Variants in WDR17 observed in about 807,000 individuals in gnomAD.
WDR17 encodes the protein WD repeat domain 17, also known as WD repeat-containing protein 17.
In WDR17, 143 loss-of-function variants were observed where a neutral mutation model predicts 161.7. That is an observed-to-expected ratio of 0.88 (90% CI 0.77 to 1.02). WDR17 has a LOEUF of 1.02. WDR17 is among the 50% of genes least tolerant of loss of function. The pLI is 0.00. For synonymous variants in WDR17, 517 were observed against 515.6 expected (o/e 1.00, Z -0.04); for missense variants, 1,469 against 1,520.9 (o/e 0.97, Z 0.57).
At chr4:176,176,921 C>A (rs1751530670) in intron 26 of WDR17, 137 bp from the exon 27 acceptor site, 2 of 586,480 alleles carry the variant, frequency 3.4e-6, no homozygotes, top group Non-Finnish European at 6.0e-6. Flanking sequence ...AGAAAATATT[C>A]TATATGTATA....
chr4:176,096,622 AT>A, intron 1 of WDR17: 9 of 1,515,430 alleles, frequency 5.9e-6, no homozygotes, highest in East Asian at 2.4e-5. Flanking sequence ...ATTTCCTGCG[AT>A]TTTTTTTCTG....
At chr4:176,171,274 TTA>T (rs1327065490) in intron 23 of WDR17, among the ~76,000 whole-genome samples, 4 of 152,206 alleles carry the variant, frequency 2.6e-5, no homozygotes, top group Non-Finnish European at 5.9e-5. Context: ...TTTCTTCTTC[TTA>T]TAGTCTATTT....
In WDR17 at chr4:176,067,864, G is replaced by A. The variant is rs544099192; in HGVS notation, c.-7+1785G>A. Among the ~76,000 whole-genome samples, 6 of 152,190 alleles carry A rather than the reference G, an allele frequency of 3.9e-5. No homozygotes were observed. In the South Asian group the frequency reaches 1.2e-3, roughly 32 times the overall value. On this transcript the variant is annotated intron_variant, in intron 1 of 28. Coordinates refer to ENST00000508596, the MANE Select transcript of WDR17 (RefSeq NM_181265.4). The stretch of plus-strand genomic sequence containing the variant: ...CAGGTTTCTGTTTGTTTGTTTTATG[G>A]TTTTACCCTGATGGATACTAGAAGT...
chr4:176,157,383 T>A (rs533441743), intron 18 of WDR17, among the ~76,000 whole-genome samples: 1 of 152,312 alleles, frequency 6.6e-6, no homozygotes, highest in African/African-American at 2.4e-5. Context: ...AAACATAAAA[T>A]TCAGAAGGAT....
At chr4:176,112,155 T>C (rs529261667) in intron 2 of WDR17, among the ~76,000 whole-genome samples, 4 of 152,330 alleles carry the variant, frequency 2.6e-5, no homozygotes, top group African/African-American at 9.6e-5. Context: ...CCAGTGATTC[T>C]CTTAAATTCA....
chr4:176,177,455 T>C lies in WDR17; in HGVS notation c.3549-16T>C. On this transcript the variant is annotated splice_polypyrimidine_tract_variant and intron_variant, in intron 27 of 28. Transcript: ENST00000508596. ...GATTCGACAAAATGAAATTTTGATA[T>C]CTGTTGAAAATATAGATCATTAGAA... 2 of 1,518,318 alleles carry C rather than the reference T, an allele frequency of 1.3e-6. No individual in the cohort carries two copies. Among genetic ancestry groups the C allele is most frequent in the Non-Finnish European group, 8.8e-7 (1 of 1,138,368 alleles). 94.1% of individuals were successfully genotyped at this position (1,518,318 alleles called of 1,614,324 possible).
chr4:176,177,270 G>T lies in WDR17; in HGVS notation c.3548+114G>T, dbSNP rs540569476. 4 of 1,077,664 alleles carry T rather than the reference G, an allele frequency of 3.7e-6. No individual in the cohort carries two copies. The East Asian group carries it at 7.6e-5, about 20-fold the overall frequency. The allele number at this position is 1,077,664 out of a possible 1,614,324, so 66.8% of individuals were successfully genotyped here. A position where few individuals can be genotyped will look rare whatever the true frequency, so the allele number is the denominator to read the frequency against. On this transcript the variant is annotated intron_variant, in intron 27 of 28. Coordinates refer to ENST00000508596, the MANE Select transcript of WDR17 (RefSeq NM_181265.4). Reference sequence around the variant, plus strand: ...TTAGCAGAATAATGAATCTTGATTTGTTTGGCATATATGCAGTAATAATTT... The same window carrying T: ...TTAGCAGAATAATGAATCTTGATTTTTTTGGCATATATGCAGTAATAATTT...
chr4:176,142,128 C>T, intron 11 of WDR17, 59 bp downstream of exon 11: 1 of 1,415,306 alleles, frequency 7.1e-7, no homozygotes, highest in Non-Finnish European at 9.9e-7. Context: ...TTTAAATAAC[C>T]ATAAAGTTTA....
intron 1 of WDR17, among the ~76,000 whole-genome samples, chr4:176,085,244 A>C (rs1007191500): frequency 6.6e-6 from 1 of 151,946 alleles, no homozygotes; most frequent in Non-Finnish European, 1.5e-5. Context: ...ATGTATCTTT[A>C]CTTTTTTGTT....
At chr4:176,167,135 C>T (rs4384996) in intron 22 of WDR17, among the ~76,000 whole-genome samples, 5,004 of 152,054 alleles carry the variant, frequency 0.033, 252 homozygotes, top group African/African-American at 0.11. Context: ...TATTCCTATT[C>T]TATATTCATT....
chr4:176,151,736 T>A lies in WDR17; in HGVS notation c.2305-76T>A, dbSNP rs892620467. 1.8e-5 allele frequency: 23 copies of A among 1,291,056 alleles called. No individual in the cohort carries two copies. The Admixed American group carries it at 5.5e-4, about 31-fold the overall frequency. 80.0% of individuals were successfully genotyped at this position (1,291,056 alleles called of 1,614,324 possible). A position where few individuals can be genotyped will look rare whatever the true frequency, so the allele number is the denominator to read the frequency against. ...CCGCTCTATTAGTTATTTCAAAATATGCAACAAATTATTGTGACACATACA... is the reference window on the plus strand; with the variant it reads ...CCGCTCTATTAGTTATTTCAAAATAAGCAACAAATTATTGTGACACATACA... On this transcript the variant is annotated intron_variant, in intron 16 of 28. Transcript: ENST00000508596.
At chr4:176,070,503 CCCTTTTTTT>C (rs1370785130) in intron 1 of WDR17, among the ~76,000 whole-genome samples, 2 of 151,768 alleles carry the variant, frequency 1.3e-5, no homozygotes, top group East Asian at 3.9e-4. Flanking sequence ...ATCCTTTTTT[CCCTTTTTTT>C]CCACTTCTTT....
chr4:176,069,937 A>G (rs1733010898), intron 1 of WDR17, among the ~76,000 whole-genome samples: 1 of 152,208 alleles, frequency 6.6e-6, no homozygotes. Flanking sequence ...ATTATGGATG[A>G]CTTTTAATGA....
intron 1 of WDR17, among the ~76,000 whole-genome samples, chr4:176,087,194 A>T (rs2126613620): frequency 6.6e-6 from 1 of 152,154 alleles, no homozygotes; most frequent in East Asian, 1.9e-4. Flanking sequence ...TTCTACCTAA[A>T]GAAATCCCTT....
Position 176,135,229 on chromosome 4 carries a change from C to G in WDR17, c.1220C>G (p.Thr407Arg). 1 of 1,612,296 alleles carries G rather than the reference C, an allele frequency of 6.2e-7. No homozygotes were observed. Among genetic ancestry groups the G allele is most frequent in the Non-Finnish European group, 8.5e-7 (1 of 1,178,616 alleles). ...WDINTLTAVY[T>R]SPGNEGVIYS... Reference sequence around the variant, plus strand: ...ATAAACACATTAACAGCAGTGTACACATCCCCGGGTAATGAAGGTGTTATT... The same window carrying G: ...ATAAACACATTAACAGCAGTGTACAGATCCCCGGGTAATGAAGGTGTTATT... The change falls in exon 8 of 29, where the codon ACA becomes AGA. Residue 407 changes from threonine to arginine, a missense_variant. Transcript: ENST00000508596.
At chr4:176,166,102 C>G (rs375609818) in intron 22 of WDR17, 1 of 1,108,090 alleles carries the variant, frequency 9.0e-7, no homozygotes, top group Non-Finnish European at 1.3e-6. Context: ...TCATGGTATT[C>G]ATATTTAATA....
intron 26 of WDR17, 73 bp downstream of exon 26, chr4:176,174,791 A>G (rs1751217625): frequency 2.2e-6 from 2 of 896,274 alleles, no homozygotes; most frequent in Non-Finnish European, 1.8e-6. Context: ...CTCTAAGTGG[A>G]TTATACAAAG....
chr4:176,120,185 C>G, intron 4 of WDR17, 88 bp downstream of exon 4: 1 of 995,994 alleles, frequency 1.0e-6, no homozygotes, highest in Non-Finnish European at 1.4e-6. Context: ...GTGACCAGTC[C>G]CCATTGTGAA....
chr4:176,148,277 G>A lies in WDR17; in HGVS notation c.1839G>A (p.Trp613Ter). 1 of 1,613,924 alleles carries A rather than the reference G, an allele frequency of 6.2e-7. No homozygotes were observed. Among genetic ancestry groups the A allele is most frequent in the African/African-American group, 1.3e-5 (1 of 75,016 alleles). The stretch of plus-strand genomic sequence containing the variant: ...GCTGGGACTATACTATAAAAGTATG[G>A]GACACTCGAGAAGGAACTTGTGTGG... ...SGSWDYTIKVWDTREGTCVDT... is the reference protein window; with the variant it reads ...SGSWDYTIKV The change falls in exon 13 of 29, where the codon TGG (tryptophan) becomes TGA (stop). Residue 613 changes from tryptophan (W) to a stop codon, truncating the protein, a stop_gained. Coordinates refer to ENST00000508596, the MANE Select transcript of WDR17 (RefSeq NM_181265.4). LOFTEE classifies it high-confidence loss of function.
Sources: allele counts gnomAD v4.1 joint callset (sites outside exome capture counted in the v4.1 genomes callset), GRCh38; gene constraint gnomAD v4.1.1; transcripts MANE v1.5; gene names NCBI Gene and HGNC (gene_info 2026-07-23, HGNC 2026-07-21).